The following MTMR2 variants were observed in gnomAD, a reference collection of about 807,000 sequenced individuals.
MTMR2 encodes the protein phosphatidylinositol-3,5-bisphosphate 3-phosphatase MTMR2.
MTMR2 carries 55 observed loss-of-function variants against 86.9 expected under a neutral mutation model. The ratio of observed to expected loss-of-function variants is 0.63; its 90% CI spans 0.51 to 0.79. The LOEUF (loss-of-function observed/expected upper bound fraction) is 0.79. Ranked by LOEUF, MTMR2 falls within the 30% of genes least tolerant of loss-of-function variation. MTMR2 has a pLI of 0.00. For missense variants in MTMR2, 659 were observed against 772.3 expected (o/e 0.85, Z 1.74); for synonymous variants, 241 against 266.8 (o/e 0.90, Z 0.94).
intron 1 of MTMR2, among the ~76,000 whole-genome samples, chr11:95,911,005 A>T (rs904108325): frequency 2.0e-5 from 3 of 152,176 alleles, no homozygotes; most frequent in Non-Finnish European, 4.4e-5. Context: ...ATTAATTTAT[A>T]ATTTTTAATT....
At chr11:95,895,177 G>A (rs550285856) in intron 1 of MTMR2, among the ~76,000 whole-genome samples, 3 of 150,760 alleles carry the variant, frequency 2.0e-5, no homozygotes, top group South Asian at 2.1e-4. Flanking sequence ...AAAAAAACCC[G>A]AAGGAAATGG....
At chr11:95,897,739 C>T in intron 1 of MTMR2, among the ~76,000 whole-genome samples, 1 of 152,054 alleles carries the variant, frequency 6.6e-6, no homozygotes, top group South Asian at 2.1e-4. Context: ...GAGAGAGAGA[C>T]CTCCTAACAA....
At position 95,849,361 on chromosome 11, in the gene MTMR2, G is replaced by A. The variant is rs114741880; in HGVS notation, c.993+313C>T. Reference sequence around the variant, plus strand: ...AGTTAGTTGTCAACTTTGGAGAAGTGGGAAGCTAAGAATAACTGAACACCT... The same window carrying A: ...AGTTAGTTGTCAACTTTGGAGAAGTAGGAAGCTAAGAATAACTGAACACCT... On this transcript the variant is annotated intron_variant, in intron 9 of 14. Coordinates refer to ENST00000346299, the MANE Select transcript of MTMR2 (RefSeq NM_016156.6). Among the ~76,000 whole-genome samples the A allele has an allele frequency of 5.3e-3, 804 of 152,070 alleles. 11 individuals carry two copies. The highest frequency in any genetic ancestry group is 0.018 in the African/African-American group (748 of 41,480).
chr11:95,923,796 T>C (rs1489210227), intron 1 of MTMR2, 79 bp downstream of exon 1: 11 of 1,517,068 alleles, frequency 7.3e-6, no homozygotes, highest in Non-Finnish European at 9.8e-6. Flanking sequence ...ATCCGCGAAT[T>C]GGGGCAACAA....
At chr11:95,882,678 A>C (rs1160939319) in intron 2 of MTMR2, among the ~76,000 whole-genome samples, 1 of 151,662 alleles carries the variant, frequency 6.6e-6, no homozygotes, top group South Asian at 2.1e-4. Context: ...ATACATGTAC[A>C]TAAGATATCT....
chr11:95,899,626 T>C (rs1024775348), intron 1 of MTMR2, among the ~76,000 whole-genome samples: 11 of 109,882 alleles, frequency 1.0e-4, no homozygotes, highest in African/African-American at 4.7e-4. Context: ...ATGAATGCTA[T>C]AAGAATGGTT....
chr11:95,846,966 CCTT>C (rs149762337), intron 10 of MTMR2, among the ~76,000 whole-genome samples: 6,907 of 152,208 alleles, frequency 0.045, 529 homozygotes, highest in African/African-American at 0.16. Context: ...GAAGTATCCT[CCTT>C]CTTAACGTGA....
intron 5 of MTMR2, among the ~76,000 whole-genome samples, chr11:95,860,605 A>G (rs1864377353): frequency 6.6e-6 from 1 of 152,230 alleles, no homozygotes; most frequent in Non-Finnish European, 1.5e-5. Context: ...AATTATACAC[A>G]TGCTGTTTCT....
chr11:95,924,069 G>T lies in MTMR2; in HGVS notation c.-115C>A. The T allele has an allele frequency of 7.3e-7, 1 of 1,368,132 alleles. No individual in the cohort carries two copies. The highest frequency in any genetic ancestry group is 1.0e-6 in the Non-Finnish European group (1 of 984,534). The allele number at this position is 1,368,132 out of a possible 1,614,324, so 84.7% of individuals were successfully genotyped here. A position where few individuals can be genotyped will look rare whatever the true frequency, so the allele number is the denominator to read the frequency against. ...GCCGCAGTCAGGCCAGCGCCGGCCC[G>T]GGAGGGAGACCGGAAGCGGCCATGT... On this transcript the variant is annotated 5_prime_UTR_variant, in exon 1 of 15. Coordinates refer to ENST00000346299, the MANE Select transcript of MTMR2 (RefSeq NM_016156.6).
chr11:95,852,907 T>C (rs1347336838), intron 7 of MTMR2, among the ~76,000 whole-genome samples: 1 of 151,838 alleles, frequency 6.6e-6, no homozygotes, highest in Non-Finnish European at 1.5e-5. Context: ...TGGTGACTCA[T>C]GCCTGTAAGC....
intron 1 of MTMR2, among the ~76,000 whole-genome samples, chr11:95,895,831 A>G (rs562318919): frequency 1.3e-5 from 2 of 152,266 alleles, no homozygotes; most frequent in South Asian, 4.1e-4. Context: ...AACAAAATAT[A>G]TATTAAAAAC....
At chr11:95,836,522 A>G (rs1259614478) in intron 13 of MTMR2, among the ~76,000 whole-genome samples, 198 bp from the exon 14 acceptor site, 1 of 151,980 alleles carries the variant, frequency 6.6e-6, no homozygotes, top group African/African-American at 2.4e-5. Context: ...GAGATACCAT[A>G]TGACCCAACA....
intron 2 of MTMR2, 27 bp downstream of exon 2, chr11:95,888,129 A>G: frequency 6.7e-7 from 1 of 1,497,994 alleles, no homozygotes; most frequent in East Asian, 2.3e-5. Context: ...AAAGTACTTC[A>G]TCAGAACTTT....
intron 1 of MTMR2, among the ~76,000 whole-genome samples, chr11:95,918,233 G>A (rs1866781635): frequency 6.6e-6 from 1 of 152,154 alleles, no homozygotes; most frequent in South Asian, 2.1e-4. Flanking sequence ...CATCCATCGG[G>A]ATCACCTGGA....
At chr11:95,865,747 G>C in intron 2 of MTMR2, 71 bp from the exon 3 acceptor site, 2 of 1,229,118 alleles carry the variant, frequency 1.6e-6, no homozygotes, top group Non-Finnish European at 1.2e-6. Flanking sequence ...TATTTCAACT[G>C]AGTATACTTG....
chr11:95,898,961 T>C lies in MTMR2; in HGVS notation c.81-10700A>G, dbSNP rs1199398333. On this transcript the variant is annotated intron_variant, in intron 1 of 14. Transcript: ENST00000346299. ...CACTTTTATTGGCATACAGCGTACTTATAATGCAGTTAGAGATAAGCCTGA... is the reference window on the plus strand; with the variant it reads ...CACTTTTATTGGCATACAGCGTACTCATAATGCAGTTAGAGATAAGCCTGA... Among the ~76,000 whole-genome samples, 31 of 152,158 alleles carry C rather than the reference T, an allele frequency of 2.0e-4. 2 individuals are homozygous for C. Among genetic ancestry groups the C allele is most frequent in the Admixed American group, 1.9e-3 (29 of 15,264 alleles).
At chr11:95,876,851 C>T (rs1346472464) in intron 2 of MTMR2, among the ~76,000 whole-genome samples, 1 of 152,078 alleles carries the variant, frequency 6.6e-6, no homozygotes, top group African/African-American at 2.4e-5. Flanking sequence ...CACACAGGCA[C>T]ACAAACACAA....
Position 95,849,690 on chromosome 11 carries a change from T to C in MTMR2, c.977A>G (p.Asn326Ser). Residue 326 changes from asparagine (N) to serine (S), a missense_variant, in exon 9 of 15, where the codon AAT (asparagine) becomes AGT (serine). By Grantham distance (46) the Asn-to-Ser change is conservative. Around this residue, in one of 3 missense-constraint regions of MTMR2, gnomAD observed 387 missense variants for 526.3 expected, o/e 0.74. Transcript: ENST00000346299. ...CCATCTGACCTTGTTGGCAACAGCATTAACACTTGGCCGGGCATCAAATAT... is the reference window on the plus strand; with the variant it reads ...CCATCTGACCTTGTTGGCAACAGCACTAACACTTGGCCGGGCATCAAATAT... ...IFIFDARPSV[N>S]AVANKAKGGG... The C allele has an allele frequency of 6.2e-7, 1 of 1,614,048 alleles. No individual in the cohort carries two copies.
chr11:95,885,567 G>C (rs1865485537), intron 2 of MTMR2, among the ~76,000 whole-genome samples: 1 of 151,928 alleles, frequency 6.6e-6, no homozygotes, highest in Non-Finnish European at 1.5e-5. Context: ...AAGTCGTTCT[G>C]GATTGTAACA....
Sources: gnomAD v4.1 joint callset for allele counts (sites outside exome capture counted in the v4.1 genomes callset) on GRCh38, gnomAD v4.1.1 for gene constraint, gnomAD v4.1.1 regional missense constraint, MANE v1.5 for transcripts, NCBI Gene and HGNC (gene_info 2026-07-23, HGNC 2026-07-21) for gene names.